ATRNL1: variants seen among roughly 807,000 people sequenced by gnomAD.
ATRNL1 encodes the protein attractin like 1, also known as attractin-like protein 1.
ATRNL1 carries 95 observed loss-of-function variants against 182.7 expected under a neutral mutation model. That is an observed-to-expected ratio of 0.52 (90% confidence interval 0.44 to 0.62). The LOEUF is 0.62. ATRNL1 is among the 20% of genes least tolerant of loss of function. The pLI, the probability that ATRNL1 is intolerant of heterozygous loss-of-function variation, is 0.00. For missense variants in ATRNL1, 1,471 were observed against 1,679.5 expected (o/e 0.88, Z 2.17); for synonymous variants, 576 against 568.3 (o/e 1.01, Z -0.19).
At chr10:115,834,922 G>T (rs781881833) in intron 27 of ATRNL1, among the ~76,000 whole-genome samples, 1 of 152,076 alleles carries the variant, frequency 6.6e-6, no homozygotes, top group African/African-American at 2.4e-5. Flanking sequence ...TTCATGTTCT[G>T]GATTCAAAAA....
chr10:115,845,549 T>A (rs1950908507), intron 27 of ATRNL1, among the ~76,000 whole-genome samples: 1 of 152,088 alleles, frequency 6.6e-6, no homozygotes, highest in East Asian at 1.9e-4. Flanking sequence ...CTGCTTGTGT[T>A]AAAAGTGGCA....
chr10:115,261,965 G>A (rs561679337), intron 10 of ATRNL1, among the ~76,000 whole-genome samples: 20 of 152,218 alleles, frequency 1.3e-4, no homozygotes, highest in African/African-American at 4.8e-4. Flanking sequence ...AAATATGCGT[G>A]TGTAAGTCTG....
chr10:115,531,841 A>G (rs1452017098), intron 25 of ATRNL1, among the ~76,000 whole-genome samples: 1 of 144,178 alleles, frequency 6.9e-6, no homozygotes, highest in Non-Finnish European at 1.6e-5. Context: ...TCAGCATTCT[A>G]CGTATGGCTA....
At chr10:115,487,237 A>T (rs1849070424) in intron 24 of ATRNL1, among the ~76,000 whole-genome samples, 1 of 152,162 alleles carries the variant, frequency 6.6e-6, no homozygotes, top group African/African-American at 2.4e-5. Context: ...TTTTAGTCCC[A>T]TATGAAATTT....
chr10:115,376,180 T>C (rs1857660272), intron 19 of ATRNL1, among the ~76,000 whole-genome samples: 1 of 152,168 alleles, frequency 6.6e-6, no homozygotes, highest in Non-Finnish European at 1.5e-5. Flanking sequence ...TATAAGGTTG[T>C]TGTTTTTTTT....
intron 19 of ATRNL1, among the ~76,000 whole-genome samples, chr10:115,357,236 A>G (rs1332308942): frequency 6.6e-6 from 1 of 151,940 alleles, no homozygotes; most frequent in Non-Finnish European, 1.5e-5. Flanking sequence ...AAAGTGGGGC[A>G]TAGTTCTACT....
At chr10:115,368,313 T>TGCGCTTCCC (rs1857181350) in intron 19 of ATRNL1, among the ~76,000 whole-genome samples, 1 of 152,182 alleles carries the variant, frequency 6.6e-6, no homozygotes, top group African/African-American at 2.4e-5. Context: ...ACCCCTTTCT[T>TGCGCTTCCC]TGACTCGGAA....
At chr10:115,559,289 T>G (rs981044532) in intron 26 of ATRNL1, among the ~76,000 whole-genome samples, 1 of 152,168 alleles carries the variant, frequency 6.6e-6, no homozygotes, top group Admixed American at 6.5e-5. Context: ...ATTTTTAAAT[T>G]TCCAATTAGA....
At chr10:115,624,569 G>C (rs1555024072) in intron 26 of ATRNL1, among the ~76,000 whole-genome samples, 3 of 152,072 alleles carry the variant, frequency 2.0e-5, no homozygotes, top group Non-Finnish European at 2.9e-5. Flanking sequence ...CCAATTTGTA[G>C]GAGCCTATTG....
intron 28 of ATRNL1, among the ~76,000 whole-genome samples, chr10:115,894,022 G>A (rs1555111891): frequency 6.6e-6 from 1 of 152,132 alleles, no homozygotes; most frequent in African/African-American, 2.4e-5. Context: ...AAAGAGACAA[G>A]GGGAATAGAT....
intron 28 of ATRNL1, among the ~76,000 whole-genome samples, chr10:115,867,238 T>C (rs1951459983): frequency 6.6e-6 from 1 of 152,224 alleles, no homozygotes; most frequent in Non-Finnish European, 1.5e-5. Flanking sequence ...TTAACTGTTT[T>C]ATACAATTAA....
intron 10 of ATRNL1, among the ~76,000 whole-genome samples, chr10:115,251,621 T>A (rs1850882270): frequency 6.6e-6 from 1 of 152,184 alleles, no homozygotes; most frequent in Non-Finnish European, 1.5e-5. Context: ...GCTTTGGTAA[T>A]TGGCATATCC....
In ATRNL1 at chr10:115,858,234, A is replaced by G. The variant is rs190138750; in HGVS notation, c.4018+10243A>G. 7.2e-5 allele frequency among the ~76,000 whole-genome samples: 11 copies of G among 152,366 alleles called. No homozygotes were observed. The East Asian group carries it at 2.1e-3, about 29-fold the overall frequency. On this transcript the variant is annotated intron_variant, in intron 28 of 28. Transcript: ENST00000355044. ...ATAAATAATTCTATTATAAAGATAC[A>G]TGCACGCATATGTTCATTGCAGCAC...
chr10:115,351,303 T>C (rs1394274106), intron 19 of ATRNL1, among the ~76,000 whole-genome samples: 1 of 152,126 alleles, frequency 6.6e-6, no homozygotes, highest in African/African-American at 2.4e-5. Flanking sequence ...GTGGTGAAAG[T>C]GGGCGTCTTT....
intron 26 of ATRNL1, among the ~76,000 whole-genome samples, chr10:115,636,095 G>A (rs919694698): frequency 3.3e-5 from 5 of 152,006 alleles, no homozygotes; most frequent in Non-Finnish European, 7.4e-5. Flanking sequence ...TTCAATTTTC[G>A]AAAATTAGTT....
chr10:115,815,623 T>A (rs1371759382), intron 27 of ATRNL1, among the ~76,000 whole-genome samples: 1 of 152,100 alleles, frequency 6.6e-6, no homozygotes, highest in Non-Finnish European at 1.5e-5. Flanking sequence ...CAAGTGGAGG[T>A]TGACTTCAGA....
chr10:115,912,016 A>G (rs1555116028), intron 28 of ATRNL1, among the ~76,000 whole-genome samples: 1 of 152,158 alleles, frequency 6.6e-6, no homozygotes, highest in East Asian at 1.9e-4. Flanking sequence ...AGACTATTCA[A>G]TGATTGAATC....
chr10:115,229,485 A>T (rs1180758280), intron 9 of ATRNL1, among the ~76,000 whole-genome samples: 1 of 152,038 alleles, frequency 6.6e-6, no homozygotes. Flanking sequence ...GCTCTTTATC[A>T]AGTCCTGTTT....
intron 9 of ATRNL1, among the ~76,000 whole-genome samples, chr10:115,230,606 G>A (rs1019615534): frequency 1.3e-5 from 2 of 152,090 alleles, no homozygotes. Flanking sequence ...AGACTTTGAG[G>A]GTTTTGAACA....
Sources: gnomAD v4.1 joint callset for allele counts (sites outside exome capture counted in the v4.1 genomes callset) on GRCh38, gnomAD v4.1.1 for gene constraint, MANE v1.5 for transcripts, NCBI Gene and HGNC (gene_info 2026-07-23, HGNC 2026-07-21) for gene names.